NEK1: variants seen among roughly 807,000 people sequenced by gnomAD.
The protein encoded by NEK1 is serine/threonine-protein kinase Nek1.
A neutral mutation model predicts 182.1 loss-of-function variants in NEK1; 137 were observed. The observed-to-expected ratio is 0.75, with a 90% CI of 0.65 to 0.87. NEK1 has a LOEUF of 0.87. Among genes scored for constraint, NEK1 ranks in the 40% least tolerant of loss-of-function variants. The pLI, the probability that NEK1 is intolerant of heterozygous loss-of-function variation, is 0.00. For missense variants in NEK1, 1,391 were observed against 1,494.4 expected, an observed-to-expected ratio of 0.93 and a Z score of 1.14; for synonymous variants, 513 against 492.2, an observed-to-expected ratio of 1.04 and a Z score of -0.56.
chr4:169,553,854 G>T (rs1421240688), intron 18 of NEK1, among the ~76,000 whole-genome samples: 1 of 152,212 alleles, frequency 6.6e-6, no homozygotes, highest in African/African-American at 2.4e-5. Flanking sequence ...TGCTGGAGAG[G>T]ATGTGGGGCA....
intron 31 of NEK1, among the ~76,000 whole-genome samples, chr4:169,422,737 G>A (rs937071396): frequency 6.6e-6 from 1 of 152,078 alleles, no homozygotes; most frequent in African/African-American, 2.4e-5. Flanking sequence ...ATTTGCTGTG[G>A]TTACTTCCAG....
At chr4:169,572,050 G>A (rs946275538) in intron 12 of NEK1, among the ~76,000 whole-genome samples, 2 of 151,864 alleles carry the variant, frequency 1.3e-5, no homozygotes, top group Non-Finnish European at 2.9e-5. Flanking sequence ...GGCCGACCCT[G>A]GCTTTTACTG....
At chr4:169,412,096 T>G (rs967802809) in intron 31 of NEK1, among the ~76,000 whole-genome samples, 1 of 152,234 alleles carries the variant, frequency 6.6e-6, no homozygotes, top group African/African-American at 2.4e-5. Context: ...TCACTACTGT[T>G]AACTCTAGCA....
At chr4:169,502,022 G>A (rs1194512875) in intron 23 of NEK1, among the ~76,000 whole-genome samples, 1 of 151,932 alleles carries the variant, frequency 6.6e-6, no homozygotes, top group Non-Finnish European at 1.5e-5. Context: ...GAAAAAAAGA[G>A]AAGATTCATA....
chr4:169,608,292 G>T (rs1771734302), intron 2 of NEK1, among the ~76,000 whole-genome samples: 1 of 152,008 alleles, frequency 6.6e-6, no homozygotes, highest in Non-Finnish European at 1.5e-5. Context: ...TTTAAAACTT[G>T]GTTAATAATC....
At chr4:169,554,910 AG>A (rs1761955277) in intron 18 of NEK1, 2 of 152,210 alleles carry the variant, frequency 1.3e-5, no homozygotes, top group African/African-American at 4.8e-5. Flanking sequence ...AGGGGTACAT[AG>A]GAACTCTCTG....
At position 169,506,907 on chromosome 4, in the gene NEK1, TGAGA is replaced by T. The variant is rs766570985; in HGVS notation, c.2007+126_2007+129del. 2.0e-5 allele frequency: 10 copies of T among 496,222 alleles called. No homozygotes were observed. The South Asian group carries it at 2.0e-4, about 10-fold the overall frequency. The allele number at this position is 496,222 out of a possible 1,614,324, so 30.7% of individuals were successfully genotyped here. A position where few individuals can be genotyped will look rare whatever the true frequency, so the allele number is the denominator to read the frequency against. ...GAAAGAGAGAGGTAATGAGAAAGGG[TGAGA>T]GAGAGAATGAGAATGAAAAAACAGA... On this transcript the variant is annotated intron_variant, in intron 23 of 35. Transcript: ENST00000507142.
intron 4 of NEK1, among the ~76,000 whole-genome samples, chr4:169,601,040 G>C (rs917909283): frequency 2.6e-5 from 4 of 152,122 alleles, no homozygotes; most frequent in African/African-American, 9.7e-5. Flanking sequence ...GAAAATTCAA[G>C]GTCCTGAAAA....
At chr4:169,581,892 TAA>T (rs1173976281) in intron 10 of NEK1, among the ~76,000 whole-genome samples, 4 of 152,188 alleles carry the variant, frequency 2.6e-5, no homozygotes, top group Non-Finnish European at 4.4e-5. Flanking sequence ...CTAATTTTAT[TAA>T]GTTATTGAAT....
rs1736063703 is a variant in NEK1 at position 169,424,674 on chromosome 4, T to G, written c.3101A>C (p.Gln1034Pro). The change falls in exon 31 of 36, where the codon CAG becomes CCG. Residue 1034 changes from glutamine to proline, a missense_variant. By Grantham distance (76) the Gln-to-Pro change is moderately conservative. Coordinates refer to ENST00000507142, the MANE Select transcript of NEK1 (RefSeq NM_001199397.3). ...TGCAAAGGATTCTTCTGGTGAACACTGAACTGATTGAACTTGAGGGACTAA... is the reference window on the plus strand; with the variant it reads ...TGCAAAGGATTCTTCTGGTGAACACGGAACTGATTGAACTTGAGGGACTAA... ...LNLVPQVQSV[Q>P]CSPEESFAFR... The G allele has an allele frequency of 1.2e-6, 2 of 1,613,926 alleles. No homozygotes were observed. Among genetic ancestry groups the G allele is most frequent in the Non-Finnish European group, 1.7e-6 (2 of 1,179,844 alleles).
At chr4:169,408,122 C>A (rs1418551052) in intron 31 of NEK1, among the ~76,000 whole-genome samples, 3 of 152,152 alleles carry the variant, frequency 2.0e-5, no homozygotes, top group Non-Finnish European at 4.4e-5. Flanking sequence ...AATCAATAAA[C>A]AGCACATATG....
rs1243716645 is a variant in NEK1 at position 169,521,042 on chromosome 4, G to A, written c.1666-12190C>T. Among the ~76,000 whole-genome samples, 6 of 82,472 alleles carry A rather than the reference G, an allele frequency of 7.3e-5. No individual in the cohort carries two copies. In the East Asian group the frequency reaches 9.7e-4, roughly 13 times the overall value. 54.1% of individuals were successfully genotyped at this position (82,472 alleles called of 152,430 possible). A position where few individuals can be genotyped will look rare whatever the true frequency, so the allele number is the denominator to read the frequency against. ...AGCTGTGGTGGGCTCCACCCAGTTC[G>A]CGCTTCCAGGCTGCTTTGTTTACCT... On this transcript the variant is annotated intron_variant, in intron 19 of 35. Coordinates refer to ENST00000507142, the MANE Select transcript of NEK1 (RefSeq NM_001199397.3).
At chr4:169,500,057 G>GC (rs1167007099) in intron 23 of NEK1, among the ~76,000 whole-genome samples, 1 of 152,196 alleles carries the variant, frequency 6.6e-6, no homozygotes, top group African/African-American at 2.4e-5. Flanking sequence ...CCCAGTTTGA[G>GC]CTTCCCGGCC....
At chr4:169,522,718 T>C (rs1021391484) in intron 19 of NEK1, among the ~76,000 whole-genome samples, 7 of 152,250 alleles carry the variant, frequency 4.6e-5, no homozygotes, top group East Asian at 3.9e-4. Context: ...ATGAATAAGT[T>C]GTGGAGTGGG....
intron 27 of NEK1, among the ~76,000 whole-genome samples, chr4:169,452,809 G>T (rs1323724536): frequency 1.3e-5 from 2 of 152,140 alleles, no homozygotes; most frequent in Non-Finnish European, 2.9e-5. Flanking sequence ...GGAAGTTCTG[G>T]CCAGGGCAAT....
chr4:169,507,725 T>A lies in NEK1; in HGVS notation c.1901A>T (p.Glu634Val). 1 of 1,612,440 alleles carries A rather than the reference T, an allele frequency of 6.2e-7. No individual in the cohort carries two copies. The highest frequency in any genetic ancestry group is 1.7e-4 in the Middle Eastern group (1 of 6,054). The change falls in exon 22 of 36, where the codon GAA becomes GTA. Residue 634 changes from glutamate (E) to valine (V), a missense_variant. Glu to Val is a moderately radical substitution (Grantham distance 121). This residue lies in a region of NEK1 where 1,216 missense variants were observed against 1,277.6 expected (regional missense o/e 0.95). Transcript: ENST00000507142. The part of the protein sequence containing the change: ...EEADMRRKKI[E>V]SLKAHANARA... The stretch of plus-strand genomic sequence containing the variant: ...ATTTCTAGTCTATACCTTCAGTGAT[T>A]CGATTTTTTTGCGCCTCATGTCAGC...
intron 28 of NEK1, among the ~76,000 whole-genome samples, chr4:169,435,556 G>A (rs759636666): frequency 1.3e-5 from 2 of 152,098 alleles, no homozygotes; most frequent in African/African-American, 2.4e-5. Flanking sequence ...TTTAATTTCA[G>A]CTGGCATGGT....
intron 23 of NEK1, among the ~76,000 whole-genome samples, chr4:169,500,510 C>T (rs1197967253): frequency 6.6e-6 from 1 of 152,174 alleles, no homozygotes; most frequent in Admixed American, 6.5e-5. Flanking sequence ...GAGCTGTACA[C>T]TGGAGCTGTT....
intron 10 of NEK1, among the ~76,000 whole-genome samples, chr4:169,582,241 A>C (rs989145721): frequency 3.3e-5 from 5 of 152,110 alleles, no homozygotes; most frequent in Non-Finnish European, 7.3e-5. Flanking sequence ...TAGGCAAAAA[A>C]AAATACATGA....
Sources: gnomAD v4.1 joint callset for allele counts (sites outside exome capture counted in the v4.1 genomes callset) on GRCh38, gnomAD v4.1.1 for gene constraint, gnomAD v4.1.1 regional missense constraint, MANE v1.5 for transcripts, NCBI Gene and HGNC (gene_info 2026-07-23, HGNC 2026-07-21) for gene names.